Variants in ARHGAP15 observed in about 807,000 individuals in gnomAD.
The protein encoded by ARHGAP15 is Rho GTPase activating protein 15.
Under a neutral mutation model 63.7 loss-of-function variants are expected in ARHGAP15, and 51 were observed. That is an observed-to-expected ratio of 0.80 (90% CI 0.64 to 1.01). ARHGAP15 has a LOEUF of 1.01. Among genes scored for constraint, ARHGAP15 ranks in the 50% least tolerant of loss-of-function variants. ARHGAP15 has a pLI of 0.00. For synonymous variants in ARHGAP15, 191 were observed against 193.8 expected (o/e 0.99, Z 0.12); for missense variants, 560 against 564.6 (o/e 0.99, Z 0.08).
Position 143,250,582 on chromosome 2 carries a change from C to A in ARHGAP15, c.456C>A (p.Ser152Arg), listed in dbSNP as rs1172005459. ...TTGAATGGGCCAAGGAAAAATCGAG[C>A]AGAAAGAATGTCTTTCAGGTAAGAA... Reference protein sequence around the residue: ...AHIEWAKEKSSRKNVFQITTV... With the variant: ...AHIEWAKEKSRRKNVFQITTV... The change falls in exon 6 of 14, where the codon AGC (serine) becomes AGA (arginine). Residue 152 changes from serine (S) to arginine (R), a missense_variant. Transcript: ENST00000295095. 6.2e-7 allele frequency: 1 copy of A among 1,612,888 alleles called. No individual in the cohort carries two copies.
intron 10 of ARHGAP15, among the ~76,000 whole-genome samples, chr2:143,535,048 G>A (rs1283248487): frequency 6.6e-6 from 1 of 151,818 alleles, no homozygotes; most frequent in East Asian, 1.9e-4. Context: ...ATTACTATAA[G>A]AATAAATTAT....
intron 8 of ARHGAP15, among the ~76,000 whole-genome samples, chr2:143,451,060 GT>G (rs1246866371): frequency 6.6e-6 from 1 of 151,824 alleles, no homozygotes; most frequent in African/African-American, 2.4e-5. Flanking sequence ...TGTAGTATTT[GT>G]TTTGTTCTCT....
intron 13 of ARHGAP15, among the ~76,000 whole-genome samples, chr2:143,735,929 C>T (rs1685728140): frequency 6.6e-6 from 1 of 152,324 alleles, no homozygotes; most frequent in East Asian, 1.9e-4. Flanking sequence ...CCCTCATTCT[C>T]ATTTGCTACT....
At chr2:143,248,558 A>G (rs1409821749) in intron 5 of ARHGAP15, among the ~76,000 whole-genome samples, 1 of 152,160 alleles carries the variant, frequency 6.6e-6, no homozygotes, top group East Asian at 1.9e-4. Context: ...CCTTGAGGAA[A>G]TTTACCTAAC....
intron 1 of ARHGAP15, among the ~76,000 whole-genome samples, chr2:143,131,298 G>C (rs1468259905): frequency 6.6e-6 from 1 of 152,196 alleles, no homozygotes; most frequent in African/African-American, 2.4e-5. Flanking sequence ...TTGCAAATAA[G>C]TTACTATAGA....
chr2:143,173,839 G>A (rs1690901415), intron 2 of ARHGAP15, among the ~76,000 whole-genome samples: 1 of 152,062 alleles, frequency 6.6e-6, no homozygotes, highest in Non-Finnish European at 1.5e-5. Flanking sequence ...ACATGAAAAT[G>A]TCAACCGTAT....
At chr2:143,723,171 G>A (rs1158358450) in intron 13 of ARHGAP15, among the ~76,000 whole-genome samples, 2 of 152,210 alleles carry the variant, frequency 1.3e-5, no homozygotes, top group Non-Finnish European at 2.9e-5. Flanking sequence ...TATGTAGTAG[G>A]CTATACCATC....
At position 143,547,038 on chromosome 2, in the gene ARHGAP15, G is replaced by T. The variant is rs1055537074; in HGVS notation, c.926-9370G>T. On this transcript the variant is annotated intron_variant, in intron 10 of 13. Coordinates refer to ENST00000295095, the MANE Select transcript of ARHGAP15 (RefSeq NM_018460.4). ...GGTCTGATCAGACCACTGATGCTAG[G>T]TTCTTTTCTAGAGAAATTTCTCAAG... Among the ~76,000 whole-genome samples, 5 of 152,152 alleles carry T rather than the reference G, an allele frequency of 3.3e-5. No individual in the cohort carries two copies. The South Asian group carries it at 1.0e-3, about 32-fold the overall frequency.
intron 12 of ARHGAP15, among the ~76,000 whole-genome samples, chr2:143,689,405 C>T (rs1467842679): frequency 3.3e-5 from 5 of 152,208 alleles, no homozygotes; most frequent in African/African-American, 1.2e-4. Flanking sequence ...CTAGCAGTTA[C>T]TGTAAGAGTT....
At chr2:143,199,115 A>G (rs1692002916) in intron 2 of ARHGAP15, among the ~76,000 whole-genome samples, 1 of 152,172 alleles carries the variant, frequency 6.6e-6, no homozygotes, top group Non-Finnish European at 1.5e-5. Context: ...CCAAATGCAT[A>G]TATTCTTTCA....
chr2:143,701,027 T>C (rs1417255966), intron 12 of ARHGAP15, among the ~76,000 whole-genome samples: 1 of 152,174 alleles, frequency 6.6e-6, no homozygotes, highest in Non-Finnish European at 1.5e-5. Flanking sequence ...GTTTCTTTTT[T>C]TTGCAGTTGT....
intron 9 of ARHGAP15, among the ~76,000 whole-genome samples, chr2:143,487,704 A>G (rs903943043): frequency 2.6e-5 from 4 of 152,234 alleles, no homozygotes; most frequent in Non-Finnish European, 5.9e-5. Context: ...CCATTGAACA[A>G]TATACCTAGT....
At chr2:143,422,368 G>A (rs539921504) in intron 6 of ARHGAP15, among the ~76,000 whole-genome samples, 6 of 152,198 alleles carry the variant, frequency 3.9e-5, no homozygotes, top group African/African-American at 7.2e-5. Flanking sequence ...TATTGTTTGA[G>A]ATCATGAAAA....
chr2:143,156,389 G>A (rs1222121074), intron 2 of ARHGAP15, among the ~76,000 whole-genome samples: 3 of 151,832 alleles, frequency 2.0e-5, no homozygotes, highest in Non-Finnish European at 4.4e-5. Context: ...TGCAATGTTA[G>A]CCACTCTTTT....
chr2:143,150,923 A>C (rs904741291), intron 1 of ARHGAP15, among the ~76,000 whole-genome samples: 1 of 152,078 alleles, frequency 6.6e-6, no homozygotes, highest in African/African-American at 2.4e-5. Flanking sequence ...TGATATTACT[A>C]AATTACATAG....
intron 10 of ARHGAP15, among the ~76,000 whole-genome samples, chr2:143,523,384 CAT>C (rs1198994533): frequency 6.6e-6 from 1 of 152,060 alleles, no homozygotes; most frequent in Non-Finnish European, 1.5e-5. Flanking sequence ...ACGATAAACA[CAT>C]ATTTATCTGG....
At chr2:143,713,414 G>A (rs1264082028) in intron 13 of ARHGAP15, among the ~76,000 whole-genome samples, 1 of 152,086 alleles carries the variant, frequency 6.6e-6, no homozygotes, top group Non-Finnish European at 1.5e-5. Flanking sequence ...AATTCTCAGA[G>A]ATACAATTAA....
At chr2:143,332,641 A>C (rs1325928088) in intron 6 of ARHGAP15, among the ~76,000 whole-genome samples, 1 of 152,178 alleles carries the variant, frequency 6.6e-6, no homozygotes, top group Non-Finnish European at 1.5e-5. Context: ...GAATTCATGA[A>C]AGTGTTTTTC....
chr2:143,582,299 G>T (rs1303539379), intron 11 of ARHGAP15, among the ~76,000 whole-genome samples: 1 of 152,144 alleles, frequency 6.6e-6, no homozygotes, highest in East Asian at 1.9e-4. Context: ...ATCTCTGTCG[G>T]TTAGTGGATG....
Sources: allele counts gnomAD v4.1 joint callset (sites outside exome capture counted in the v4.1 genomes callset), GRCh38; gene constraint gnomAD v4.1.1; transcripts MANE v1.5; gene names NCBI Gene and HGNC (gene_info 2026-07-23, HGNC 2026-07-21).